The following EPHA3 variants were observed in gnomAD, a reference collection of about 807,000 sequenced individuals.
The protein encoded by EPHA3 is EPH receptor A3.
In EPHA3, 42 loss-of-function variants were observed where a neutral mutation model predicts 107.1. The ratio of observed to expected loss-of-function variants is 0.39; its 90% confidence interval spans 0.31 to 0.51. EPHA3 has a LOEUF of 0.51. Among genes scored for constraint, EPHA3 ranks in the 20% least tolerant of loss-of-function variants. EPHA3 has a pLI of 0.78. For missense variants in EPHA3, 1,183 were observed against 1,211.2 expected (o/e 0.98, Z 0.35); for synonymous variants, 461 against 424.8 (o/e 1.09, Z -1.05).
chr3:89,285,444 A>C (rs1371709171), intron 3 of EPHA3, among the ~76,000 whole-genome samples: 1 of 152,240 alleles, frequency 6.6e-6, no homozygotes, highest in Non-Finnish European at 1.5e-5. Flanking sequence ...ATAATAATAC[A>C]ACAAAATAAA....
chr3:89,209,835 T>C (rs767507555), intron 2 of EPHA3, 25 bp from the exon 3 acceptor site: 1 of 1,553,756 alleles, frequency 6.4e-7, no homozygotes, highest in Non-Finnish European at 8.7e-7. Flanking sequence ...TCTGCCTCAC[T>C]CTCTGTTTCT....
At chr3:89,250,342 C>T (rs78674007) in intron 3 of EPHA3, among the ~76,000 whole-genome samples, 37 of 152,230 alleles carry the variant, frequency 2.4e-4, no homozygotes, top group African/African-American at 8.4e-4. Flanking sequence ...TATTTATTGC[C>T]CTTTTCCCAT....
At chr3:89,176,662 A>G (rs1314130897) in intron 2 of EPHA3, among the ~76,000 whole-genome samples, 1 of 152,130 alleles carries the variant, frequency 6.6e-6, no homozygotes, top group African/African-American at 2.4e-5. Context: ...AAAGCATCTT[A>G]CACATATTAA....
intron 1 of EPHA3, among the ~76,000 whole-genome samples, chr3:89,108,441 G>A (rs7622368): frequency 0.95 from 144,932 of 152,288 alleles, 69,042 homozygotes; most frequent in African/African-American, 0.98. Flanking sequence ...CCACATTAAC[G>A]TAAGTAATAT....
intron 3 of EPHA3, among the ~76,000 whole-genome samples, chr3:89,245,661 A>G (rs928596604): frequency 2.6e-5 from 4 of 152,334 alleles, no homozygotes; most frequent in Admixed American, 1.3e-4. Flanking sequence ...AATTTGTAAC[A>G]CTTTCTCTGA....
chr3:89,455,365 T>G (rs921113189), intron 15 of EPHA3, among the ~76,000 whole-genome samples: 10 of 151,998 alleles, frequency 6.6e-5, no homozygotes, highest in African/African-American at 2.4e-4. Flanking sequence ...GCAAAAGTCT[T>G]GAGATGAGAA....
intron 1 of EPHA3, among the ~76,000 whole-genome samples, chr3:89,108,339 C>A (rs1157613123): frequency 3.3e-5 from 5 of 152,068 alleles, no homozygotes; most frequent in African/African-American, 4.8e-5. Flanking sequence ...AGCGGAGGTG[C>A]GTGTTTATGG....
chr3:89,225,553 A>AT (rs757753090), intron 3 of EPHA3, among the ~76,000 whole-genome samples: 22 of 152,096 alleles, frequency 1.4e-4, no homozygotes, highest in Admixed American at 1.1e-3. Flanking sequence ...AGAAAGTTGC[A>AT]TTTTTTCCCC....
chr3:89,435,944 A>C lies in EPHA3; in HGVS notation c.2346+4585A>C, dbSNP rs1326474132. 4.7e-5 allele frequency among the ~76,000 whole-genome samples: 7 copies of C among 150,130 alleles called. No individual in the cohort carries two copies. In the East Asian group the frequency reaches 1.4e-3, roughly 29 times the overall value. On this transcript the variant is annotated intron_variant, in intron 13 of 16. Transcript: ENST00000336596. ...CTCTAGCCTGGGGGACAGAGTGAGA[A>C]TCCATCTCAATAATAATAATAATAA... is the stretch of plus-strand genomic sequence containing the variant.
chr3:89,292,943 C>T (rs1320157181), intron 3 of EPHA3, among the ~76,000 whole-genome samples: 1 of 152,160 alleles, frequency 6.6e-6, no homozygotes, highest in Non-Finnish European at 1.5e-5. Flanking sequence ...GCATTTGAAA[C>T]ATTTTGTATC....
chr3:89,133,639 T>G (rs1232063697), intron 2 of EPHA3, among the ~76,000 whole-genome samples: 1 of 152,160 alleles, frequency 6.6e-6, no homozygotes, highest in Non-Finnish European at 1.5e-5. Context: ...CCCAATTTGT[T>G]CAACTTTTGA....
In EPHA3 at chr3:89,413,241, A is replaced by T; in HGVS notation, c.1863A>T (p.Ile621=). ...CCAAGGAATTGGATGCCACCAACAT[A>T]TCCATTGATAAAGTTGTTGGAGCAG... ...EFAKELDATN[I]SIDKVVGAGE... Residue 621 remains isoleucine, a synonymous_variant, in exon 10 of 17, where the codon ATA becomes ATT. Coordinates refer to ENST00000336596, the MANE Select transcript of EPHA3 (RefSeq NM_005233.6). The T allele has an allele frequency of 1.2e-6, 2 of 1,611,722 alleles. No individual in the cohort carries two copies. Among genetic ancestry groups the T allele is most frequent in the Non-Finnish European group, 1.7e-6 (2 of 1,178,336 alleles).
At chr3:89,443,775 GATTAGGCAGGATA>G (rs1295819808) in intron 13 of EPHA3, among the ~76,000 whole-genome samples, 2 of 152,140 alleles carry the variant, frequency 1.3e-5, no homozygotes, top group Non-Finnish European at 2.9e-5. Flanking sequence ...GGACATCCCA[GATTAGGCAGGATA>G]ATAAAGCAGT....
intron 2 of EPHA3, among the ~76,000 whole-genome samples, chr3:89,207,434 C>T (rs926002741): frequency 9.2e-5 from 14 of 152,064 alleles, no homozygotes; most frequent in Non-Finnish European, 1.5e-4. Context: ...TGACCTCATG[C>T]GATGGACCAA....
chr3:89,257,392 C>A (rs1385446624), intron 3 of EPHA3, among the ~76,000 whole-genome samples: 2 of 152,100 alleles, frequency 1.3e-5, no homozygotes, highest in African/African-American at 2.4e-5. Flanking sequence ...GCTTTCACCC[C>A]ACTCCCTTTT....
At chr3:89,449,869 A>G (rs1709952525) in intron 14 of EPHA3, among the ~76,000 whole-genome samples, 1 of 152,204 alleles carries the variant, frequency 6.6e-6, no homozygotes, top group Non-Finnish European at 1.5e-5. Flanking sequence ...ATATAACCAA[A>G]TAATAATTTC....
rs976255859 is a variant in EPHA3 at position 89,284,357 on chromosome 3, G to A, written c.815-56559G>A. Among the ~76,000 whole-genome samples, 17 of 151,954 alleles carry A rather than the reference G, an allele frequency of 1.1e-4. 1 individual carries two copies. Among genetic ancestry groups the A allele is most frequent in the South Asian group, 4.2e-4 (2 of 4,804 alleles). ...AAACCATTTCTGGTGATGAGACTGC[G>A]GATAAACCAATCTAGAACATTCAGA... On this transcript the variant is annotated intron_variant, in intron 3 of 16. Coordinates refer to ENST00000336596, the MANE Select transcript of EPHA3 (RefSeq NM_005233.6).
intron 1 of EPHA3, among the ~76,000 whole-genome samples, chr3:89,122,721 T>C (rs1415401751): frequency 6.6e-6 from 1 of 152,234 alleles, no homozygotes; most frequent in Admixed American, 6.5e-5. Context: ...TTAATAATTC[T>C]CTAAAAATCA....
chr3:89,262,357 C>T (rs527495346), intron 3 of EPHA3, among the ~76,000 whole-genome samples: 1 of 152,254 alleles, frequency 6.6e-6, no homozygotes, highest in Admixed American at 6.5e-5. Flanking sequence ...GGGCCATACT[C>T]CCTCTGAGGA....
Sources: gnomAD v4.1 joint callset for allele counts (sites outside exome capture counted in the v4.1 genomes callset) on GRCh38, gnomAD v4.1.1 for gene constraint, MANE v1.5 for transcripts, NCBI Gene and HGNC (gene_info 2026-07-23, HGNC 2026-07-21) for gene names.